Variants in POFUT3 observed in about 807,000 individuals in gnomAD.
POFUT3 encodes the protein protein O-fucosyltransferase 3, also known as GDP-fucose protein O-fucosyltransferase 3.
At chr8:33,318,050 G>C in the POFUT3 span, among the ~76,000 whole-genome samples, 2 of 152,190 alleles carry the variant, frequency 1.3e-5, no homozygotes, top group East Asian at 3.9e-4. Flanking sequence ...TAGAATTGCA[G>C]GCAAAGTGTC....
the POFUT3 span, chr8:33,453,153 C>T: frequency 6.5e-7 from 1 of 1,532,072 alleles, no homozygotes; most frequent in Non-Finnish European, 9.0e-7. Context: ...CAGAGGTAAA[C>T]TGTAACTCAG....
chr8:33,357,519 T>C, the POFUT3 span, among the ~76,000 whole-genome samples: 11 of 151,420 alleles, frequency 7.3e-5, 1 homozygote, highest in Middle Eastern at 7.1e-3. Flanking sequence ...TATGTATGTG[T>C]GTGTGTGTAT....
At chr8:33,453,361 T>C in the POFUT3 span, 2 of 1,614,208 alleles carry the variant, frequency 1.2e-6, no homozygotes, top group Non-Finnish European at 1.7e-6. Flanking sequence ...AGCTGTCCAA[T>C]TCCCATTTTC....
chr8:33,458,796 C>A, the POFUT3 span, among the ~76,000 whole-genome samples: 1 of 152,214 alleles, frequency 6.6e-6, no homozygotes, highest in Non-Finnish European at 1.5e-5. Context: ...GCCTTCTGTG[C>A]AGCAGGTCCT....
chr8:33,389,043 C>T, the POFUT3 span: 23 of 1,614,052 alleles, frequency 1.4e-5, no homozygotes, highest in Middle Eastern at 3.3e-4. Context: ...TCCTGGTTGA[C>T]GTCTTGCACT....
chr8:33,423,191 A>G, the POFUT3 span, among the ~76,000 whole-genome samples: 1 of 152,162 alleles, frequency 6.6e-6, no homozygotes, highest in Non-Finnish European at 1.5e-5. Flanking sequence ...CTACACTGGT[A>G]TTCACTTGAT....
chr8:33,328,791 C>T, the POFUT3 span, among the ~76,000 whole-genome samples: 425 of 152,238 alleles, frequency 2.8e-3, 9 homozygotes, highest in East Asian at 0.053. Flanking sequence ...TTAACCAACA[C>T]CCAAATCTGT....
At chr8:33,398,300 G>A in the POFUT3 span, among the ~76,000 whole-genome samples, 4 of 152,096 alleles carry the variant, frequency 2.6e-5, no homozygotes, top group Admixed American at 1.3e-4. Flanking sequence ...AACACCCACC[G>A]TTCAGATTCA....
At chr8:33,340,259 CAT>C in the POFUT3 span, among the ~76,000 whole-genome samples, 1 of 151,780 alleles carries the variant, frequency 6.6e-6, no homozygotes, top group Non-Finnish European at 1.5e-5. Context: ...TATACACACA[CAT>C]ATATGTAAAT....
chr8:33,333,932 G>A, the POFUT3 span, among the ~76,000 whole-genome samples: 2 of 152,126 alleles, frequency 1.3e-5, no homozygotes, highest in Non-Finnish European at 2.9e-5. Flanking sequence ...ACTGGGGCCA[G>A]GTTATATAGG....
the POFUT3 span, among the ~76,000 whole-genome samples, chr8:33,333,831 G>A: frequency 3.9e-5 from 6 of 152,110 alleles, no homozygotes; most frequent in Admixed American, 1.3e-4. Flanking sequence ...TCAGACCAGG[G>A]TTCTAAGAAG....
At chr8:33,443,986 A>T in the POFUT3 span, among the ~76,000 whole-genome samples, 11,882 of 144,986 alleles carry the variant, frequency 0.082, 612 homozygotes, top group African/African-American at 0.16. Flanking sequence ...TTTTTTTTTA[A>T]AGAAAAGCAA....
At chr8:33,332,182 G>GAAAA in the POFUT3 span, among the ~76,000 whole-genome samples, 1 of 99,946 alleles carries the variant, frequency 1.0e-5, no homozygotes, top group African/African-American at 3.5e-5. Context: ...GGAGGAGGAG[G>GAAAA]AAAAAAAAAA....
the POFUT3 span, among the ~76,000 whole-genome samples, chr8:33,310,865 C>T: frequency 6.6e-6 from 1 of 152,144 alleles, no homozygotes; most frequent in Non-Finnish European, 1.5e-5. Flanking sequence ...AAACTCAGCC[C>T]AAACCCAATT....
chr8:33,390,088 T>C, the POFUT3 span, among the ~76,000 whole-genome samples: 1 of 152,064 alleles, frequency 6.6e-6, no homozygotes, highest in African/African-American at 2.4e-5. Context: ...CCCAGCTACC[T>C]GGGAAGCTGA....
the POFUT3 span, among the ~76,000 whole-genome samples, chr8:33,315,575 G>A: frequency 1.3e-5 from 2 of 152,092 alleles, no homozygotes; most frequent in Non-Finnish European, 2.9e-5. Flanking sequence ...CTTGTCTTCA[G>A]GAGACATGGA....
At chr8:33,351,408 T>C in the POFUT3 span, among the ~76,000 whole-genome samples, 1,593 of 152,300 alleles carry the variant, frequency 0.01, 36 homozygotes, top group African/African-American at 0.036. Flanking sequence ...TCTCTCATGA[T>C]AGATTAATGC....
At chr8:33,404,777 T>C in the POFUT3 span, among the ~76,000 whole-genome samples, 1 of 151,776 alleles carries the variant, frequency 6.6e-6, no homozygotes, top group Admixed American at 6.6e-5. Flanking sequence ...AAGTACCAAA[T>C]GGGTACAATG....
chr8:33,414,902 T>A, the POFUT3 span, among the ~76,000 whole-genome samples: 1 of 150,716 alleles, frequency 6.6e-6, no homozygotes, highest in Admixed American at 6.7e-5. Context: ...TTCTTCAATA[T>A]GCGAGCTAAA....
Sources: gnomAD v4.1 joint callset for allele counts (sites outside exome capture counted in the v4.1 genomes callset) on GRCh38, gnomAD v4.1.1 for gene constraint, MANE v1.5 for transcripts, NCBI Gene and HGNC (gene_info 2026-07-23, HGNC 2026-07-21) for gene names.